CTCFL: variants seen among roughly 807,000 people sequenced by gnomAD.
The protein encoded by CTCFL is transcriptional repressor CTCFL.
CTCFL carries 36 observed loss-of-function variants against 67.4 expected under a neutral mutation model. The observed-to-expected ratio is 0.53, with a 90% CI of 0.41 to 0.71. The LOEUF is 0.71. Among genes scored for constraint, CTCFL ranks in the 30% least tolerant of loss-of-function variants. CTCFL has a pLI of 0.00. For missense variants in CTCFL, 786 were observed against 835.2 expected (o/e 0.94, Z 0.73); for synonymous variants, 324 against 302.3 (o/e 1.07, Z -0.75).
At position 57,515,686 on chromosome 20, in the gene CTCFL, A is replaced by AACACTAAC. The variant is rs1267837206; in HGVS notation, c.1180+27_1180+28insGTTAGTGT. ...TGCTTTAAGAGTTAACACTGTAGGTATCAGGCCTTCAGCACCAGAGCCCTT... is the reference window on the plus strand; with the variant it reads ...TGCTTTAAGAGTTAACACTGTAGGTAACACTAACTCAGGCCTTCAGCACCAGAGCCCTT... On this transcript the variant is annotated intron_variant, in intron 6 of 10. Transcript: ENST00000243914. 4 of 1,614,004 alleles carry AACACTAAC rather than the reference A, an allele frequency of 2.5e-6. No individual in the cohort carries two copies. The African/African-American group carries it at 5.3e-5, about 22-fold the overall frequency.
Position 57,523,349 on chromosome 20 carries a change from C to T in CTCFL, c.544-71G>A, listed in dbSNP as rs2146467646. Reference sequence around the variant, plus strand: ...TAATTAGACTTTTGCCTGGATGAAGCACAGAATACAAAAAGAAAAGCCAAA... The same window carrying T: ...TAATTAGACTTTTGCCTGGATGAAGTACAGAATACAAAAAGAAAAGCCAAA... On this transcript the variant is annotated intron_variant, in intron 2 of 10. Transcript: ENST00000243914. 14 of 1,392,370 alleles carry T rather than the reference C, an allele frequency of 1.0e-5. No individual in the cohort carries two copies. The South Asian group carries it at 1.6e-4, about 15-fold the overall frequency. The allele number at this position is 1,392,370 out of a possible 1,614,324, so 86.3% of individuals were successfully genotyped here. A position where few individuals can be genotyped will look rare whatever the true frequency, so the allele number is the denominator to read the frequency against.
At chr20:57,503,050 G>A (rs1395954360) in intron 10 of CTCFL, among the ~76,000 whole-genome samples, 2 of 152,176 alleles carry the variant, frequency 1.3e-5, no homozygotes, top group Admixed American at 6.5e-5. Context: ...GAGGGAGGGC[G>A]GCCCTGCCCA....
downstream of CTCFL, chr20:57,496,211 C>T: frequency 1.7e-6 from 1 of 597,866 alleles, no homozygotes; most frequent in Non-Finnish European, 3.1e-6. Context: ...TCTGGTCGTT[C>T]AGAGGAGTGT....
At chr20:57,501,022 G>C (rs995987668) in intron 10 of CTCFL, among the ~76,000 whole-genome samples, 1 of 152,192 alleles carries the variant, frequency 6.6e-6, no homozygotes, top group Non-Finnish European at 1.5e-5. Flanking sequence ...CCGGCCTTGG[G>C]TTTCTACAAT....
chr20:57,500,240 A>G, intron 10 of CTCFL: 1 of 1,019,146 alleles, frequency 9.8e-7, no homozygotes, highest in Non-Finnish European at 1.2e-6. Context: ...CGAGGCGGGC[A>G]GATCACTTGA....
chr20:57,503,725 C>T (rs958304958), intron 9 of CTCFL, 124 bp from the exon 10 acceptor site: 11 of 936,474 alleles, frequency 1.2e-5, no homozygotes, highest in East Asian at 9.9e-5. Context: ...GAGGGCAATT[C>T]CACACACCTC....
Position 57,518,784 on chromosome 20 carries a change from A to G in CTCFL, c.1033T>C (p.Ser345Pro), listed in dbSNP as rs1451022924. Residue 345 changes from serine (S) to proline (P), a missense_variant, in exon 5 of 11, where the codon TCC becomes CCC. Transcript: ENST00000243914. ...TCCACACTGGCATACTTGCACATGGAACATTTAAAGGGTTTCTCATGAGTA... is the reference window on the plus strand; with the variant it reads ...TCCACACTGGCATACTTGCACATGGGACATTTAAAGGGTTTCTCATGAGTA... ...KHTHEKPFKC[S>P]MCKYASVEAS... The G allele has an allele frequency of 6.2e-7, 1 of 1,614,076 alleles. No individual in the cohort carries two copies. Among genetic ancestry groups the G allele is most frequent in the African/African-American group, 1.3e-5 (1 of 74,942 alleles).
intron 1 of CTCFL, chr20:57,524,493 G>A (rs1309546282): frequency 2.4e-6 from 3 of 1,226,840 alleles, no homozygotes; most frequent in Non-Finnish European, 3.1e-6. Flanking sequence ...CACATCCTGC[G>A]CCTGGCAAGG....
Position 57,510,377 on chromosome 20 carries a change from C to T in CTCFL, c.1492-1589G>A, listed in dbSNP as rs575552586. Among the ~76,000 whole-genome samples, 50 of 152,244 alleles carry T rather than the reference C, an allele frequency of 3.3e-4. 2 individuals are homozygous for T. The highest frequency in any genetic ancestry group is 1.2e-3 in the Admixed American group (18 of 15,288). On this transcript the variant is annotated intron_variant, in intron 8 of 10. Transcript: ENST00000243914. ...TAACTCATTTAAAAATAAAAACAAA[C>T]CAACTACATATTATTTCTGTAAAAT...
chr20:57,502,902 G>C (rs2067991896), intron 10 of CTCFL, among the ~76,000 whole-genome samples: 1 of 152,230 alleles, frequency 6.6e-6, no homozygotes, highest in African/African-American at 2.4e-5. Flanking sequence ...AGAGGCAGAA[G>C]AGAAGGCCCA....
chr20:57,495,979 TTTATG>T (rs1333872829), downstream of CTCFL: 1 of 319,316 alleles, frequency 3.1e-6, no homozygotes, highest in Non-Finnish European at 5.6e-6. Context: ...TTCAAACATA[TTTATG>T]TTATCTGTTT....
chr20:57,508,323 G>T (rs6025598), intron 9 of CTCFL, among the ~76,000 whole-genome samples: 1 of 152,020 alleles, frequency 6.6e-6, no homozygotes, highest in Non-Finnish European at 1.5e-5. Context: ...ACACTAAAAG[G>T]TGGGGTTCTT....
At chr20:57,520,804 A>G (rs2069297266) in intron 3 of CTCFL, among the ~76,000 whole-genome samples, 1 of 152,234 alleles carries the variant, frequency 6.6e-6, no homozygotes, top group Admixed American at 6.5e-5. Context: ...AAATACATGA[A>G]GTCCTCATGC....
At chr20:57,514,201 A>T (rs1179272847) in intron 7 of CTCFL, among the ~76,000 whole-genome samples, 2 of 152,222 alleles carry the variant, frequency 1.3e-5, no homozygotes, top group Non-Finnish European at 1.5e-5. Context: ...TAGATAGAGC[A>T]CTGATAAATA....
chr20:57,516,403 G>A (rs986412591), intron 5 of CTCFL, among the ~76,000 whole-genome samples: 1 of 152,082 alleles, frequency 6.6e-6, no homozygotes, highest in Non-Finnish European at 1.5e-5. Flanking sequence ...TAGGTATGGT[G>A]GCACACACCT....
chr20:57,502,932 A>T (rs8115358), intron 10 of CTCFL, among the ~76,000 whole-genome samples: 7 of 152,060 alleles, frequency 4.6e-5, no homozygotes, highest in Non-Finnish European at 1.0e-4. Flanking sequence ...GAGAGGAGAG[A>T]GCTAGGAAAA....
In CTCFL at chr20:57,524,078, C is replaced by A; in HGVS notation, c.128G>T (p.Ser43Ile). Residue 43 changes from serine to isoleucine, a missense_variant, in exon 2 of 11, where the codon AGC (serine) becomes ATC (isoleucine). Coordinates refer to ENST00000243914, the MANE Select transcript of CTCFL (RefSeq NM_001386993.1). ...ACGCTCGGCCTCCAACTCACTAGGG[C>A]TCCGATGGTCTTTCTCTCTGCACAC... The part of the protein sequence containing the change: ...DGVCREKDHR[S>I]PSELEAERTS... The A allele has an allele frequency of 6.2e-7, 1 of 1,613,756 alleles. No individual in the cohort carries two copies. The highest frequency in any genetic ancestry group is 1.1e-5 in the South Asian group (1 of 91,084).
chr20:57,507,078 A>T, intron 9 of CTCFL: 1 of 989,728 alleles, frequency 1.0e-6, no homozygotes, highest in Non-Finnish European at 1.2e-6. Context: ...AGCCATGTGC[A>T]GTGGTTTTTA....
chr20:57,512,896 T>G, intron 7 of CTCFL, 144 bp from the exon 8 acceptor site: 3 of 689,186 alleles, frequency 4.4e-6, no homozygotes, highest in Non-Finnish European at 7.2e-6. Flanking sequence ...GGCTATCCTG[T>G]GCATTGTAGG....
Sources: allele counts gnomAD v4.1 joint callset (sites outside exome capture counted in the v4.1 genomes callset), GRCh38; gene constraint gnomAD v4.1.1; transcripts MANE v1.5; gene names NCBI Gene and HGNC (gene_info 2026-07-23, HGNC 2026-07-21).